Variants in CEP112 observed in about 807,000 individuals in gnomAD.
CEP112 encodes centrosomal protein 112.
Under a neutral mutation model 153.0 loss-of-function variants are expected in CEP112, and 127 were observed. The observed-to-expected ratio is 0.83, with a 90% CI of 0.72 to 0.96. The LOEUF (loss-of-function observed/expected upper bound fraction) is 0.96, where lower values mean the gene tolerates loss of function less well. Ranked by LOEUF, CEP112 falls within the 40% of genes least tolerant of loss-of-function variation. The pLI is 0.00. For synonymous variants in CEP112, 358 were observed against 374.4 expected, an observed-to-expected ratio of 0.96 and a Z score of 0.51; for missense variants, 1,089 against 1,101.2, an observed-to-expected ratio of 0.99 and a Z score of 0.16.
At chr17:65,970,937 CATATT>C (rs1405424779) in intron 17 of CEP112, among the ~76,000 whole-genome samples, 15 of 123,284 alleles carry the variant, frequency 1.2e-4, no homozygotes, top group Admixed American at 3.7e-4. Flanking sequence ...TTATTGCACC[CATATT>C]ATATTACATA....
chr17:65,803,556 G>C (rs1223079083), intron 21 of CEP112, among the ~76,000 whole-genome samples: 1 of 152,164 alleles, frequency 6.6e-6, no homozygotes, highest in Non-Finnish European at 1.5e-5. Context: ...TAGCAAGGAA[G>C]TCCTTTCTCC....
intron 6 of CEP112, among the ~76,000 whole-genome samples, chr17:66,113,168 A>C (rs1017193522): frequency 6.6e-6 from 1 of 152,172 alleles, no homozygotes; most frequent in African/African-American, 2.4e-5. Context: ...TCCAGCAGGC[A>C]GCAAAGTACA....
Position 66,096,692 on chromosome 17 carries a change from T to C in CEP112, c.643-60A>G, listed in dbSNP as rs73992238. ...ATTAATTTTGGAGTTTTAATTATTA[T>C]TTGATAAAATATAGAATTAAGCTGC... On this transcript the variant is annotated intron_variant, in intron 6 of 26. Coordinates refer to ENST00000535342, the MANE Select transcript of CEP112 (RefSeq NM_001199165.4). 1,919 of 1,073,494 alleles carry C rather than the reference T, an allele frequency of 1.8e-3. 23 individuals carry two copies. The African/African-American group carries it at 0.027, about 15-fold the overall frequency. 66.5% of individuals were successfully genotyped at this position (1,073,494 alleles called of 1,614,324 possible).
intron 19 of CEP112, among the ~76,000 whole-genome samples, chr17:65,912,862 G>T (rs2060339926): frequency 1.3e-5 from 2 of 152,126 alleles, no homozygotes; most frequent in Non-Finnish European, 2.9e-5. Context: ...CTACTCAAGG[G>T]CTCTCTGTGG....
chr17:65,741,645 G>A (rs1343860668), intron 23 of CEP112, among the ~76,000 whole-genome samples: 1 of 151,592 alleles, frequency 6.6e-6, no homozygotes, highest in Non-Finnish European at 1.5e-5. Context: ...GAACTATGCT[G>A]TCAGGAGTAT....
intron 6 of CEP112, among the ~76,000 whole-genome samples, chr17:66,123,636 G>C (rs1598396678): frequency 6.6e-6 from 1 of 152,162 alleles, no homozygotes; most frequent in Admixed American, 6.5e-5. Context: ...TACCATTCTA[G>C]AAATAGAAAC....
At chr17:65,846,106 T>A (rs1376758726) in intron 21 of CEP112, among the ~76,000 whole-genome samples, 2 of 152,326 alleles carry the variant, frequency 1.3e-5, no homozygotes, top group East Asian at 1.9e-4. Context: ...GAAAATGAAC[T>A]TCTAAACCTC....
intron 12 of CEP112, among the ~76,000 whole-genome samples, chr17:66,037,645 A>G (rs1411120895): frequency 3.3e-5 from 5 of 152,098 alleles, no homozygotes; most frequent in Non-Finnish European, 7.4e-5. Flanking sequence ...CGTAACAACA[A>G]TTCTTACTCT....
chr17:65,871,739 A>C (rs1218082499), intron 20 of CEP112, among the ~76,000 whole-genome samples: 1 of 152,228 alleles, frequency 6.6e-6, no homozygotes, highest in Non-Finnish European at 1.5e-5. Flanking sequence ...CAGGACAGCA[A>C]CATAGTATCC....
chr17:65,767,403 G>C (rs2145465178), intron 21 of CEP112, among the ~76,000 whole-genome samples: 3 of 152,028 alleles, frequency 2.0e-5, no homozygotes, highest in Middle Eastern at 6.8e-3. Context: ...CCCATAAGAG[G>C]AAAGTTTATA....
intron 21 of CEP112, among the ~76,000 whole-genome samples, chr17:65,798,727 G>A (rs765577276): frequency 6.6e-6 from 1 of 152,148 alleles, no homozygotes; most frequent in African/African-American, 2.4e-5. Flanking sequence ...ACTGTCTCTT[G>A]TTTAGAAAGG....
chr17:65,819,189 C>T (rs181693982), intron 21 of CEP112, among the ~76,000 whole-genome samples: 3 of 152,036 alleles, frequency 2.0e-5, no homozygotes, highest in East Asian at 3.9e-4. Flanking sequence ...TTATCCAACG[C>T]TTAGAGTGTG....
intron 17 of CEP112, among the ~76,000 whole-genome samples, chr17:65,998,511 G>A (rs62065577): frequency 0.088 from 13,273 of 151,116 alleles, 787 homozygotes; most frequent in Middle Eastern, 0.14. Context: ...TTTTTATGGT[G>A]TGAGAATTGT....
chr17:65,908,955 A>G (rs1303420760), intron 19 of CEP112, among the ~76,000 whole-genome samples: 1 of 152,202 alleles, frequency 6.6e-6, no homozygotes, highest in Admixed American at 6.5e-5. Flanking sequence ...ACAAGTCCCT[A>G]GGGATCTTGG....
chr17:65,948,752 CGAAA>C (rs1368320671), intron 18 of CEP112, among the ~76,000 whole-genome samples: 4 of 151,936 alleles, frequency 2.6e-5, no homozygotes, highest in Non-Finnish European at 5.9e-5. Flanking sequence ...TTCTTCAAAG[CGAAA>C]GAAAGAGTGT....
At chr17:65,680,321 T>A (rs2047453932) in intron 24 of CEP112, among the ~76,000 whole-genome samples, 1 of 152,170 alleles carries the variant, frequency 6.6e-6, no homozygotes, top group South Asian at 2.1e-4. Context: ...TAGACAAGAA[T>A]ACACTGAGAA....
intron 18 of CEP112, among the ~76,000 whole-genome samples, chr17:65,931,495 C>G (rs565378851): frequency 6.6e-6 from 1 of 152,314 alleles, no homozygotes; most frequent in East Asian, 1.9e-4. Context: ...TGGCAGGAGG[C>G]CCACTTCTGC....
intron 17 of CEP112, among the ~76,000 whole-genome samples, chr17:65,989,929 G>C (rs2145235477): frequency 6.6e-6 from 1 of 152,168 alleles, no homozygotes; most frequent in Non-Finnish European, 1.5e-5. Context: ...TATACTTTGA[G>C]ATCTAAGATA....
intron 4 of CEP112, among the ~76,000 whole-genome samples, chr17:66,174,507 C>G (rs890240290): frequency 6.6e-6 from 1 of 152,078 alleles, no homozygotes; most frequent in East Asian, 1.9e-4. Flanking sequence ...TAAGGCCAAA[C>G]AGAAAAGTAA....
Sources: gnomAD v4.1 joint callset for allele counts (sites outside exome capture counted in the v4.1 genomes callset) on GRCh38, gnomAD v4.1.1 for gene constraint, MANE v1.5 for transcripts, NCBI Gene and HGNC (gene_info 2026-07-23, HGNC 2026-07-21) for gene names.